The following CXCR5 variants were observed in gnomAD, a reference collection of about 807,000 sequenced individuals.
CXCR5 encodes C-X-C motif chemokine receptor 5.
Under a neutral mutation model 5.6 loss-of-function variants are expected in CXCR5, and 3 were observed. The observed-to-expected ratio is 0.54, with a 90% CI of 0.24 to 1.39. CXCR5 has a LOEUF of 1.39. Ranked by LOEUF, CXCR5 falls within the 40% of genes most tolerant of loss-of-function variation. The probability of loss-of-function intolerance (pLI) is 0.16; values close to 1 mark genes in which losing one functional copy is unlikely to be tolerated. For missense variants in CXCR5, 333 were observed against 494.6 expected (o/e 0.67, Z 3.10); for synonymous variants, 218 against 219.9 (o/e 0.99, Z 0.08).
At position 118,896,740 on chromosome 11, in the gene CXCR5, C is replaced by T. The variant is rs1018821251; in HGVS notation, c.*2077C>T. 6.5e-5 allele frequency: 10 copies of T among 152,790 alleles called. No homozygotes were observed. The highest frequency in any genetic ancestry group is 2.4e-4 in the African/African-American group (10 of 41,466). 9.5% of individuals were successfully genotyped at this position (152,790 alleles called of 1,614,324 possible). A position where few individuals can be genotyped will look rare whatever the true frequency, so the allele number is the denominator to read the frequency against. ...GCTGCCAGTGCAAGACCAGGCCCTC[C>T]AGGCCAGGAAGGCTAGGGACGGGTC... On this transcript the variant is annotated 3_prime_UTR_variant, in exon 2 of 2. Transcript: ENST00000292174.
Position 118,894,459 on chromosome 11 carries a change from C to T in CXCR5, c.915C>T (p.Thr305=). ...ATGGCTCTCTCCCCGTGGCCATCAC[C>T]ATGTGTGAGTTCCTGGGCCTGGCCC... ...KLNGSLPVAI[T]MCEFLGLAHC... Residue 305 remains threonine, a synonymous_variant, in exon 2 of 2, where the codon ACC becomes ACT. Transcript: ENST00000292174. The surrounding 1 kb of genome is among the most constrained non-coding windows in gnomAD (Gnocchi z 6.1). 1 of 1,613,510 alleles carries T rather than the reference C, an allele frequency of 6.2e-7. No individual in the cohort carries two copies. The highest frequency in any genetic ancestry group is 8.5e-7 in the Non-Finnish European group (1 of 1,179,598).
chr11:118,894,611 G>A lies in CXCR5; in HGVS notation c.1067G>A (p.Arg356His), dbSNP rs142644535. ...ASLCQLFPSW[R>H]RSSLSESENA... ...CTGTGCCAGCTCTTCCCTAGCTGGC[G>A]CAGGAGCAGTCTCTCTGAGTCAGAG... The change falls in exon 2 of 2, where the codon CGC becomes CAC. Residue 356 changes from arginine (R) to histidine (H), a missense_variant. Arg to His is a conservative substitution (Grantham distance 29). Transcript: ENST00000292174. This position sits in a 1 kb window ranked among gnomAD's most constrained non-coding sequence, Gnocchi z 6.1. 9.7e-5 allele frequency: 148 copies of A among 1,520,394 alleles called. No homozygotes were observed. Among genetic ancestry groups the A allele is most frequent in the Non-Finnish European group, 9.1e-5 (103 of 1,134,500 alleles). 94.2% of individuals were successfully genotyped at this position (1,520,394 alleles called of 1,614,324 possible). A position where few individuals can be genotyped will look rare whatever the true frequency, so the allele number is the denominator to read the frequency against.
intron 1 of CXCR5, among the ~76,000 whole-genome samples, chr11:118,888,527 G>A (rs980839348): frequency 6.6e-6 from 1 of 152,206 alleles, no homozygotes; most frequent in African/African-American, 2.4e-5. Flanking sequence ...AACTGGGCTG[G>A]TGTCAGCTGC....
chr11:118,885,655 G>C (rs1400490703), intron 1 of CXCR5, among the ~76,000 whole-genome samples: 1 of 152,186 alleles, frequency 6.6e-6, no homozygotes, highest in Non-Finnish European at 1.5e-5. Context: ...GACCCGGCGG[G>C]TCCCAGCTTC....
At chr11:118,886,490 G>A in intron 1 of CXCR5, 3 of 389,384 alleles carry the variant, frequency 7.7e-6, no homozygotes, top group South Asian at 1.9e-5. Flanking sequence ...GGGGGGTGGG[G>A]ACGGGCTGCT....
intron 1 of CXCR5, among the ~76,000 whole-genome samples, chr11:118,885,180 C>T (rs902368761): frequency 3.3e-5 from 5 of 152,082 alleles, no homozygotes; most frequent in Admixed American, 6.5e-5. Context: ...AAGTAGGACA[C>T]GGGGAGAAAG....
rs1939961852 is a variant in CXCR5, at chr11:118,897,486, T to G, written c.*2823T>G. ...AACACACATGCACGTGCACACATGT[T>G]CTCCCTGAATCACTCAGCAGCAGAC... On this transcript the variant is annotated 3_prime_UTR_variant, in exon 2 of 2. Transcript: ENST00000292174. The G allele has an allele frequency of 6.3e-6, 2 of 319,084 alleles. No homozygotes were observed. Among genetic ancestry groups the G allele is most frequent in the South Asian group, 4.9e-5 (2 of 40,902 alleles). The allele number at this position is 319,084 out of a possible 1,614,324, so 19.8% of individuals were successfully genotyped here.
Position 118,893,335 on chromosome 11 carries a change from C to T in CXCR5, c.52-261C>T, listed in dbSNP as rs562585018. 1.1e-4 allele frequency: 101 copies of T among 960,396 alleles called. No individual in the cohort carries two copies. Among genetic ancestry groups the T allele is most frequent in the Middle Eastern group, 5.4e-4 (1 of 1,854 alleles). 59.5% of individuals were successfully genotyped at this position (960,396 alleles called of 1,614,324 possible). A position where few individuals can be genotyped will look rare whatever the true frequency, so the allele number is the denominator to read the frequency against. Reference sequence around the variant, plus strand: ...AAAACACAAGCTGACTTATGGGGTCCAGCCCTCCAGCACTTACAAAGCTCA... The same window carrying T: ...AAAACACAAGCTGACTTATGGGGTCTAGCCCTCCAGCACTTACAAAGCTCA... On this transcript the variant is annotated intron_variant, in intron 1 of 1. Transcript: ENST00000292174. This position sits in a 1 kb window ranked among gnomAD's most constrained non-coding sequence, Gnocchi z 5.7.
Position 118,893,584 on chromosome 11 carries a change from T to C in CXCR5, c.52-12T>C, listed in dbSNP as rs771604109. The C allele has an allele frequency of 1.9e-6, 3 of 1,563,616 alleles. No individual in the cohort carries two copies. The South Asian group carries it at 3.5e-5, about 18-fold the overall frequency. On this transcript the variant is annotated splice_polypyrimidine_tract_variant and intron_variant, in intron 1 of 1. Transcript: ENST00000292174. This position sits in a 1 kb window ranked among gnomAD's most constrained non-coding sequence, Gnocchi z 5.7. Reference sequence around the variant, plus strand: ...CTTAGGTCCTCACCCTCCCGTCTCCTTGCCCTTGCAGTTCTGGGAACTGGA... The same window carrying C: ...CTTAGGTCCTCACCCTCCCGTCTCCCTGCCCTTGCAGTTCTGGGAACTGGA...
At position 118,894,280 on chromosome 11, in the gene CXCR5, C is replaced by T. The variant is rs753990934; in HGVS notation, c.736C>T (p.Arg246Cys). 9 of 1,614,062 alleles carry T rather than the reference C, an allele frequency of 5.6e-6. 1 individual carries two copies. Among genetic ancestry groups the T allele is most frequent in the South Asian group, 2.2e-5 (2 of 91,078 alleles). ...CTACGTGGGGGTAGTGCACAGGTTG[C>T]GCCAGGCCCAGCGGCGCCCTCAGCG... ...WCYVGVVHRLRQAQRRPQRQK... is the reference protein window; with the variant it reads ...WCYVGVVHRLCQAQRRPQRQK... The change falls in exon 2 of 2, where the codon CGC becomes TGC. Residue 246 changes from arginine to cysteine, a missense_variant. Physicochemically the swap from Arg to Cys is radical, Grantham distance 180. Coordinates refer to ENST00000292174, the MANE Select transcript of CXCR5 (RefSeq NM_001716.5). The surrounding 1 kb of genome is among the most constrained non-coding windows in gnomAD (Gnocchi z 6.1).
chr11:118,893,432 G>A lies in CXCR5; in HGVS notation c.52-164G>A, dbSNP rs1260366837. The A allele has an allele frequency of 1.0e-6, 1 of 985,418 alleles. No homozygotes were observed. Among genetic ancestry groups the A allele is most frequent in the Non-Finnish European group, 1.2e-6 (1 of 829,930 alleles). The allele number at this position is 985,418 out of a possible 1,614,324, so 61.0% of individuals were successfully genotyped here. ...CGGTCCCTTTGACAGGCGAAAAACT[G>A]AAGTTGGAAAAGACAAAGTGATTTG... On this transcript the variant is annotated intron_variant, in intron 1 of 1. Transcript: ENST00000292174. The surrounding 1 kb of genome is among the most constrained non-coding windows in gnomAD (Gnocchi z 5.7).
At chr11:118,888,240 G>A (rs1204149504) in intron 1 of CXCR5, among the ~76,000 whole-genome samples, 1 of 152,078 alleles carries the variant, frequency 6.6e-6, no homozygotes, top group Admixed American at 6.5e-5. Context: ...CTCATTGCTG[G>A]ACAGTTCTGT....
chr11:118,884,107 G>A, intron 1 of CXCR5, 115 bp downstream of exon 1: 1 of 1,049,176 alleles, frequency 9.5e-7, no homozygotes, highest in Non-Finnish European at 1.5e-6. Flanking sequence ...CTGTGGATCT[G>A]TAAAATCTAG....
In CXCR5 at chr11:118,897,599, T is replaced by C. The variant is rs1939966814; in HGVS notation, c.*2936T>C. The stretch of plus-strand genomic sequence containing the variant: ...GACCTCAGTTTAGGAGTGGGTCATT[T>C]ACGTCATCTTACCATTTGGGGACGA... On this transcript the variant is annotated 3_prime_UTR_variant, in exon 2 of 2. Coordinates refer to ENST00000292174, the MANE Select transcript of CXCR5 (RefSeq NM_001716.5). 2 of 362,324 alleles carry C rather than the reference T, an allele frequency of 5.5e-6. No homozygotes were observed. The highest frequency in any genetic ancestry group is 1.1e-5 in the Non-Finnish European group (2 of 184,202). The allele number at this position is 362,324 out of a possible 1,614,324, so 22.4% of individuals were successfully genotyped here. A position where few individuals can be genotyped will look rare whatever the true frequency, so the allele number is the denominator to read the frequency against.
intron 1 of CXCR5, chr11:118,887,141 G>C: frequency 1.6e-6 from 1 of 633,346 alleles, no homozygotes; most frequent in Non-Finnish European, 2.0e-6. Flanking sequence ...TATGGGTTCG[G>C]GCATACAAAC....
Position 118,893,853 on chromosome 11 carries a change from C to T in CXCR5, c.309C>T (p.Ile103=), listed in dbSNP as rs1939852423. 6.2e-7 allele frequency: 1 copy of T among 1,614,078 alleles called. No individual in the cohort carries two copies. Among genetic ancestry groups the T allele is most frequent in the South Asian group, 1.1e-5 (1 of 91,086 alleles). Residue 103 remains isoleucine, a synonymous_variant, in exon 2 of 2, where the codon ATC becomes ATT. Transcript: ENST00000292174. This position sits in a 1 kb window ranked among gnomAD's most constrained non-coding sequence, Gnocchi z 5.7. ...LAVADLLLVF[I]LPFAVAEGSV... ...TGGCCGACCTCCTGCTGGTCTTCAT[C>T]TTGCCCTTTGCCGTGGCCGAGGGCT...
At position 118,893,983 on chromosome 11, in the gene CXCR5, C is replaced by T. The variant is rs1200379234; in HGVS notation, c.439C>T (p.Arg147Cys). The T allele has an allele frequency of 3.7e-6, 6 of 1,613,842 alleles. No individual in the cohort carries two copies. The highest frequency in any genetic ancestry group is 2.5e-6 in the Non-Finnish European group (3 of 1,180,018). The change falls in exon 2 of 2, where the codon CGC becomes TGC. Residue 147 changes from arginine to cysteine, a missense_variant. Transcript: ENST00000292174. The surrounding 1 kb of genome is among the most constrained non-coding windows in gnomAD (Gnocchi z 5.7). ...SLLLACIAVDRYLAIVHAVHA... is the reference protein window; with the variant it reads ...SLLLACIAVDCYLAIVHAVHA... ...GCTCCTGGCCTGCATCGCCGTGGAC[C>T]GCTACCTGGCCATTGTCCACGCCGT...
intron 1 of CXCR5, 149 bp downstream of exon 1, chr11:118,884,141 T>C (rs1939672979): frequency 1.3e-6 from 1 of 765,022 alleles, no homozygotes; most frequent in African/African-American, 1.7e-5. Flanking sequence ...CTCCCGCCCT[T>C]TAAGAGTTTA....
Position 118,895,276 on chromosome 11 carries a change from T to C in CXCR5, c.*613T>C, listed in dbSNP as rs559969564. On this transcript the variant is annotated 3_prime_UTR_variant, in exon 2 of 2. Transcript: ENST00000292174. The surrounding 1 kb of genome is among the most constrained non-coding windows in gnomAD (Gnocchi z 4.2). Reference sequence around the variant, plus strand: ...AGCAGGAAGCTCAGACTGGTTGAGTTCAGGTAGCTGCCCCTGGCTCTGACC... The same window carrying C: ...AGCAGGAAGCTCAGACTGGTTGAGTCCAGGTAGCTGCCCCTGGCTCTGACC... 70 of 167,252 alleles carry C rather than the reference T, an allele frequency of 4.2e-4. No individual in the cohort carries two copies. Among genetic ancestry groups the C allele is most frequent in the Non-Finnish European group, 2.1e-4 (14 of 68,216 alleles). The allele number at this position is 167,252 out of a possible 1,614,324, so 10.4% of individuals were successfully genotyped here. A position where few individuals can be genotyped will look rare whatever the true frequency, so the allele number is the denominator to read the frequency against.
Sources: allele counts gnomAD v4.1 joint callset (sites outside exome capture counted in the v4.1 genomes callset), GRCh38; gene constraint gnomAD v4.1.1; non-coding constraint Gnocchi (gnomAD v3.1); transcripts MANE v1.5; gene names NCBI Gene and HGNC (gene_info 2026-07-23, HGNC 2026-07-21).